The following RAD52 variants were observed in gnomAD, a reference collection of about 807,000 sequenced individuals.
RAD52 encodes the protein DNA repair protein RAD52 homolog.
A neutral mutation model predicts 55.5 loss-of-function variants in RAD52; 47 were observed. That is an observed-to-expected ratio of 0.85 (90% CI 0.67 to 1.08). The LOEUF is 1.08. RAD52 is among the 50% of genes least tolerant of loss of function. RAD52 has a pLI of 0.00. For missense variants in RAD52, 468 were observed against 522.8 expected (o/e 0.90, Z 1.02); for synonymous variants, 184 against 198.9 (o/e 0.92, Z 0.63).
At chr12:971,375 T>C (rs1958849005) in intron 1 of RAD52, among the ~76,000 whole-genome samples, 1 of 152,068 alleles carries the variant, frequency 6.6e-6, no homozygotes, top group African/African-American at 2.4e-5. Context: ...GATATAAAGA[T>C]AAGCTAATAT....
At chr12:949,021 G>A (rs1416298731) in intron 1 of RAD52, among the ~76,000 whole-genome samples, 1 of 152,058 alleles carries the variant, frequency 6.6e-6, no homozygotes, top group Non-Finnish European at 1.5e-5. Flanking sequence ...TTATAACAAG[G>A]CTCAATACTC....
At chr12:932,731 A>G (rs965779355) in intron 2 of RAD52, among the ~76,000 whole-genome samples, 3 of 152,246 alleles carry the variant, frequency 2.0e-5, no homozygotes, top group Non-Finnish European at 2.9e-5. Context: ...GGAAAAACCA[A>G]TAACAAATAG....
chr12:966,193 C>T (rs905662333), intron 1 of RAD52, among the ~76,000 whole-genome samples: 4 of 151,886 alleles, frequency 2.6e-5, no homozygotes, highest in Non-Finnish European at 5.9e-5. Flanking sequence ...TCTTGAACTC[C>T]TGGCCTCAAG....
At chr12:933,121 G>A in intron 1 of RAD52, 45 bp from the exon 2 acceptor site, 1 of 1,395,068 alleles carries the variant, frequency 7.2e-7, no homozygotes, top group Admixed American at 1.9e-5. Flanking sequence ...CTCAAAGAAT[G>A]TTTAAAGTAA....
intron 4 of RAD52, 71 bp from the exon 5 acceptor site, chr12:929,957 A>G: frequency 6.4e-7 from 1 of 1,569,018 alleles, no homozygotes; most frequent in South Asian, 1.1e-5. Context: ...TCCTGCTGGC[A>G]GCTGAGTCCA....
Position 935,853 on chromosome 12 carries a change from CAAAAAAATAAATAAAT to C in RAD52, c.-18-2793_-18-2778del, listed in dbSNP as rs1452667697. 7.1e-4 allele frequency among the ~76,000 whole-genome samples: 102 copies of C among 143,036 alleles called. 1 individual carries two copies. The highest frequency in any genetic ancestry group is 2.4e-3 in the African/African-American group (94 of 38,412). The allele number at this position is 143,036 out of a possible 152,430, so 93.8% of individuals were successfully genotyped here. A position where few individuals can be genotyped will look rare whatever the true frequency, so the allele number is the denominator to read the frequency against. On this transcript the variant is annotated intron_variant, in intron 1 of 11. Transcript: ENST00000358495. ...GGGAAACAAGAGTGAAACTCCGTCTCAAAAAAATAAATAAATAAATAAATAAATAAATAAATAAATA... is the reference window on the plus strand; with the variant it reads ...GGGAAACAAGAGTGAAACTCCGTCTCAAATAAATAAATAAATAAATAAATA...
chr12:925,015 A>T (rs1431215980), intron 7 of RAD52, among the ~76,000 whole-genome samples: 1 of 142,858 alleles, frequency 7.0e-6, no homozygotes, highest in African/African-American at 2.7e-5. Context: ...CAGTGGTGCC[A>T]TCTCGGCTCA....
chr12:932,704 CA>C (rs1430647150), intron 2 of RAD52, among the ~76,000 whole-genome samples: 1 of 143,888 alleles, frequency 6.9e-6, no homozygotes, highest in African/African-American at 2.6e-5. Flanking sequence ...ACAAGACTCC[CA>C]AAAAATGCAT....
chr12:915,967 T>C (rs1295920884), intron 9 of RAD52, among the ~76,000 whole-genome samples: 31 of 152,198 alleles, frequency 2.0e-4, no homozygotes, highest in Admixed American at 2.0e-3. Context: ...TCCGCCCACC[T>C]TGGCCTCCCA....
chr12:946,254 G>A (rs1958223601), intron 1 of RAD52, among the ~76,000 whole-genome samples: 1 of 152,156 alleles, frequency 6.6e-6, no homozygotes, highest in Non-Finnish European at 1.5e-5. Flanking sequence ...TGAGTGCCTT[G>A]AGTGAAGAAA....
At chr12:934,480 A>C (rs1399814872) in intron 1 of RAD52, among the ~76,000 whole-genome samples, 1 of 133,352 alleles carries the variant, frequency 7.5e-6, no homozygotes, top group Non-Finnish European at 1.6e-5. Flanking sequence ...AAAAAAAAAA[A>C]ATCATCTTTA....
chr12:933,061 T>C lies in RAD52; in HGVS notation c.-3A>G. On this transcript the variant is annotated 5_prime_UTR_variant, in exon 2 of 12. Coordinates refer to ENST00000358495, the MANE Select transcript of RAD52 (RefSeq NM_134424.4). Reference sequence around the variant, plus strand: ...ATTGCTTCCTCAGTCCCAGACATCTTGATTCTGGTTGACCTCTATATAAAT... The same window carrying C: ...ATTGCTTCCTCAGTCCCAGACATCTCGATTCTGGTTGACCTCTATATAAAT... 2 of 1,611,132 alleles carry C rather than the reference T, an allele frequency of 1.2e-6. No homozygotes were observed.
At position 930,128 on chromosome 12, in the gene RAD52, C is replaced by G. The variant is rs148596592; in HGVS notation, c.203G>C (p.Gly68Ala). ...GGGQKVCYIE[G>A]HRVINLANEM... Reference sequence around the variant, plus strand: ...ATTGGCCAGATTAATTACCCGATGACCCTCAATGTAGCACACCTAGAAAAA... The same window carrying G: ...ATTGGCCAGATTAATTACCCGATGAGCCTCAATGTAGCACACCTAGAAAAA... Residue 68 changes from glycine (G) to alanine (A), a missense_variant, in exon 4 of 12, where the codon GGT becomes GCT. Coordinates refer to ENST00000358495, the MANE Select transcript of RAD52 (RefSeq NM_134424.4). 8 of 1,613,542 alleles carry G rather than the reference C, an allele frequency of 5.0e-6. No homozygotes were observed. Among genetic ancestry groups the G allele is most frequent in the Non-Finnish European group, 6.8e-6 (8 of 1,179,566 alleles).
chr12:978,420 G>T (rs1262714102), intron 1 of RAD52, among the ~76,000 whole-genome samples: 1 of 152,100 alleles, frequency 6.6e-6, no homozygotes, highest in Non-Finnish European at 1.5e-5. Context: ...AATGTAACTT[G>T]AATTAAAATT....
In RAD52 at chr12:913,951, G is replaced by C. The variant is rs889376943; in HGVS notation, c.1138C>G (p.Gln380Glu). 1.9e-6 allele frequency: 3 copies of C among 1,614,174 alleles called. No individual in the cohort carries two copies. The highest frequency in any genetic ancestry group is 2.5e-6 in the Non-Finnish European group (3 of 1,180,040). Residue 380 changes from glutamine to glutamate, a missense_variant, in exon 11 of 12, where the codon CAA becomes GAA. Coordinates refer to ENST00000358495, the MANE Select transcript of RAD52 (RefSeq NM_134424.4). ...AGGTCCCAAGATCCAGATTTTGCTTGTGGTTTCTGGTGGCAAACGCTGTGT... is the reference window on the plus strand; with the variant it reads ...AGGTCCCAAGATCCAGATTTTGCTTCTGGTTTCTGGTGGCAAACGCTGTGT... Reference protein sequence around the residue: ...TPHSVCHQKPQAKSGSWDLQT... With the variant: ...TPHSVCHQKPEAKSGSWDLQT...
intron 1 of RAD52, among the ~76,000 whole-genome samples, chr12:947,504 C>T (rs1958302272): frequency 6.8e-6 from 1 of 147,604 alleles, no homozygotes; most frequent in Non-Finnish European, 1.5e-5. Flanking sequence ...CAAAAATTAG[C>T]CTGGCATAGT....
chr12:952,865 C>T (rs558871714), upstream of RAD52, among the ~76,000 whole-genome samples: 21 of 126,324 alleles, frequency 1.7e-4, no homozygotes, highest in Admixed American at 1.5e-3. Flanking sequence ...GCACTTGAGC[C>T]TGGGCGACAA....
At chr12:970,795 G>GC (rs1555182663) in intron 1 of RAD52, among the ~76,000 whole-genome samples, 1 of 152,132 alleles carries the variant, frequency 6.6e-6, no homozygotes, top group Admixed American at 6.6e-5. Flanking sequence ...GCTATTTTGG[G>GC]TAGGGTATCA....
intron 1 of RAD52, among the ~76,000 whole-genome samples, chr12:982,525 A>C (rs1959030631): frequency 6.6e-6 from 1 of 152,166 alleles, no homozygotes; most frequent in African/African-American, 2.4e-5. Flanking sequence ...CCATTTGGCC[A>C]AATTCTTTGT....
Sources: allele counts gnomAD v4.1 joint callset (sites outside exome capture counted in the v4.1 genomes callset), GRCh38; gene constraint gnomAD v4.1.1; transcripts MANE v1.5; gene names NCBI Gene and HGNC (gene_info 2026-07-23, HGNC 2026-07-21).